The following MIPOL1 variants were observed in gnomAD, a reference collection of about 807,000 sequenced individuals.
The protein encoded by MIPOL1 is mirror-image polydactyly 1.
MIPOL1 carries 57 observed loss-of-function variants against 60.9 expected under a neutral mutation model. That is an observed-to-expected ratio of 0.94 (90% CI 0.76 to 1.17). MIPOL1 has a LOEUF of 1.17. Ranked by LOEUF, MIPOL1 falls within the 50% of genes most tolerant of loss-of-function variation. The pLI, the probability that MIPOL1 is intolerant of heterozygous loss-of-function variation, is 0.00. For synonymous variants in MIPOL1, 179 were observed against 168.8 expected (o/e 1.06, Z -0.47); for missense variants, 551 against 511.6 (o/e 1.08, Z -0.74).
chr14:37,218,935 A>G (rs897169386), intron 1 of MIPOL1, among the ~76,000 whole-genome samples: 1 of 148,372 alleles, frequency 6.7e-6, no homozygotes, highest in East Asian at 1.9e-4. Flanking sequence ...AAAAAAAAAA[A>G]AAAAAAAGAA....
At chr14:37,288,753 G>T (rs1425220534) in intron 7 of MIPOL1, among the ~76,000 whole-genome samples, 8 of 151,962 alleles carry the variant, frequency 5.3e-5, no homozygotes, top group African/African-American at 1.9e-4. Context: ...GGAGGCTGCA[G>T]TGAACCTATG....
chr14:37,334,002 A>C (rs1217857793), intron 9 of MIPOL1, among the ~76,000 whole-genome samples: 1 of 152,056 alleles, frequency 6.6e-6, no homozygotes, highest in African/African-American at 2.4e-5. Flanking sequence ...GTCTGTCTAC[A>C]AGGGAGCTGA....
At chr14:37,392,905 C>A (rs2093283683) in intron 10 of MIPOL1, among the ~76,000 whole-genome samples, 1 of 152,124 alleles carries the variant, frequency 6.6e-6, no homozygotes, top group Non-Finnish European at 1.5e-5. Context: ...AAGATATGTT[C>A]AAATCCTAAT....
chr14:37,471,566 A>C (rs949002257), intron 11 of MIPOL1, among the ~76,000 whole-genome samples: 1 of 152,166 alleles, frequency 6.6e-6, no homozygotes. Flanking sequence ...TTTGAAAGGC[A>C]AATATTCTTA....
chr14:37,529,279 C>T (rs906702218), intron 12 of MIPOL1, among the ~76,000 whole-genome samples: 1 of 152,054 alleles, frequency 6.6e-6, no homozygotes, highest in Non-Finnish European at 1.5e-5. Context: ...ATCTCTGTTA[C>T]CGTTATTACA....
chr14:37,280,394 T>C (rs2153403975), intron 6 of MIPOL1, among the ~76,000 whole-genome samples: 1 of 152,300 alleles, frequency 6.6e-6, no homozygotes, highest in Admixed American at 6.5e-5. Flanking sequence ...TGGAACCTCA[T>C]ACCGTTTTCC....
chr14:37,418,852 CGATATCA>C, intron 10 of MIPOL1, among the ~76,000 whole-genome samples: 1 of 151,720 alleles, frequency 6.6e-6, no homozygotes, highest in South Asian at 2.1e-4. Context: ...TGTTTTAAAG[CGATATCA>C]TTATAGGCAG....
Position 37,302,265 on chromosome 14 carries a change from T to G in MIPOL1, c.624-5791T>G, listed in dbSNP as rs1020773065. On this transcript the variant is annotated intron_variant, in intron 7 of 12. Coordinates refer to ENST00000684589, the MANE Select transcript of MIPOL1 (RefSeq NM_001388067.1). ...TATACAAGCATTTGGAACTGTTGTT[T>G]TTTTTTTTTTTTTTTTTCTTGTTTT... is the stretch of plus-strand genomic sequence containing the variant. Among the ~76,000 whole-genome samples the G allele has an allele frequency of 1.2e-4, 16 of 138,704 alleles. No individual in the cohort carries two copies. In the South Asian group the frequency reaches 1.2e-3, roughly 10 times the overall value. 91.0% of individuals were successfully genotyped at this position (138,704 alleles called of 152,430 possible).
At chr14:37,243,669 A>G (rs181374045) in intron 1 of MIPOL1, among the ~76,000 whole-genome samples, 6 of 152,322 alleles carry the variant, frequency 3.9e-5, no homozygotes, top group African/African-American at 1.4e-4. Flanking sequence ...AACGTTTGCT[A>G]AAGTGTGGCT....
intron 9 of MIPOL1, among the ~76,000 whole-genome samples, chr14:37,362,207 A>G (rs570418833): frequency 1.3e-5 from 2 of 152,268 alleles, no homozygotes; most frequent in South Asian, 2.1e-4. Context: ...CATAGCATCA[A>G]TGGTCTTTAC....
At chr14:37,523,503 TA>T in intron 12 of MIPOL1, 4 of 425,322 alleles carry the variant, frequency 9.4e-6, no homozygotes, top group South Asian at 1.4e-4. Context: ...TCATTCCAAA[TA>T]AAAAAGATGA....
intron 3 of MIPOL1, among the ~76,000 whole-genome samples, chr14:37,265,839 A>T (rs528268092): frequency 6.6e-6 from 1 of 152,224 alleles, no homozygotes; most frequent in East Asian, 1.9e-4. Context: ...GTAGAAGAGT[A>T]TGGATAGTCT....
At chr14:37,518,550 G>A (rs2095388408) in intron 12 of MIPOL1, among the ~76,000 whole-genome samples, 2 of 152,098 alleles carry the variant, frequency 1.3e-5, no homozygotes, top group Admixed American at 6.6e-5. Flanking sequence ...GGCCAGGCTG[G>A]TCTTGAACTC....
intron 11 of MIPOL1, among the ~76,000 whole-genome samples, chr14:37,480,430 CAG>C (rs1359933398): frequency 1.3e-5 from 2 of 151,518 alleles, no homozygotes; most frequent in African/African-American, 4.8e-5. Context: ...ATCACATTAA[CAG>C]AATGAAAAAC....
intron 11 of MIPOL1, among the ~76,000 whole-genome samples, chr14:37,462,841 A>G (rs2094555274): frequency 6.6e-6 from 1 of 152,184 alleles, no homozygotes; most frequent in Admixed American, 6.5e-5. Context: ...TACCACTATC[A>G]GCATTTTTGT....
intron 12 of MIPOL1, among the ~76,000 whole-genome samples, chr14:37,526,248 G>A (rs1267452142): frequency 2.7e-5 from 4 of 145,480 alleles, no homozygotes; most frequent in Non-Finnish European, 6.0e-5. Flanking sequence ...TCAACTAAAT[G>A]CATTTTACAC....
chr14:37,416,947 T>G (rs984038883), intron 10 of MIPOL1, among the ~76,000 whole-genome samples: 1 of 152,224 alleles, frequency 6.6e-6, no homozygotes, highest in African/African-American at 2.4e-5. Context: ...AATCACTTAT[T>G]AAAGCATTTA....
chr14:37,494,608 A>T (rs897829258), intron 11 of MIPOL1, among the ~76,000 whole-genome samples: 3 of 152,182 alleles, frequency 2.0e-5, no homozygotes, highest in Non-Finnish European at 4.4e-5. Context: ...TTTCCAGTGC[A>T]GACATAAAGA....
At chr14:37,411,130 A>G (rs751224980) in intron 10 of MIPOL1, among the ~76,000 whole-genome samples, 1 of 152,188 alleles carries the variant, frequency 6.6e-6, no homozygotes, top group Non-Finnish European at 1.5e-5. Flanking sequence ...CATATCAGAC[A>G]AACACTATTC....
Sources: gnomAD v4.1 joint callset for allele counts (sites outside exome capture counted in the v4.1 genomes callset) on GRCh38, gnomAD v4.1.1 for gene constraint, MANE v1.5 for transcripts, NCBI Gene and HGNC (gene_info 2026-07-23, HGNC 2026-07-21) for gene names.